FAM222B: variants seen among roughly 807,000 people sequenced by gnomAD.
The protein encoded by FAM222B is protein FAM222B.
Under a neutral mutation model 38.0 loss-of-function variants are expected in FAM222B, and 12 were observed. That is an observed-to-expected ratio of 0.32 (90% CI 0.20 to 0.51). The LOEUF (loss-of-function observed/expected upper bound fraction) is 0.51, where lower values mean the gene tolerates loss of function less well. Ranked by LOEUF, FAM222B falls within the 20% of genes least tolerant of loss-of-function variation. FAM222B has a pLI of 0.97. For missense variants in FAM222B, 716 were observed against 754.2 expected (o/e 0.95, Z 0.59); for synonymous variants, 329 against 317.2 (o/e 1.04, Z -0.40).
chr17:28,823,801 C>A (rs898440740), intron 1 of FAM222B, among the ~76,000 whole-genome samples: 1 of 151,972 alleles, frequency 6.6e-6, no homozygotes, highest in African/African-American at 2.4e-5. Flanking sequence ...CCAGGCATTT[C>A]TATCCAACTG....
intron 1 of FAM222B, among the ~76,000 whole-genome samples, chr17:28,769,862 G>A (rs923908558): frequency 6.6e-6 from 1 of 152,146 alleles, no homozygotes; most frequent in African/African-American, 2.4e-5. Context: ...CCTCTGCCTG[G>A]AATGTTCTTG....
intron 1 of FAM222B, among the ~76,000 whole-genome samples, chr17:28,797,531 A>T (rs1052704243): frequency 6.6e-6 from 1 of 152,202 alleles, no homozygotes; most frequent in African/African-American, 2.4e-5. Flanking sequence ...AATTATGGAA[A>T]AGGGTTTTTT....
At chr17:28,801,465 AAAAAAG>A (rs1567857136) in intron 1 of FAM222B, among the ~76,000 whole-genome samples, 3 of 151,788 alleles carry the variant, frequency 2.0e-5, no homozygotes, top group African/African-American at 4.8e-5. Flanking sequence ...AAAAAAAAAA[AAAAAAG>A]AAAAGAAAAA....
At chr17:28,771,881 T>C (rs902214963) in intron 1 of FAM222B, among the ~76,000 whole-genome samples, 52 of 151,626 alleles carry the variant, frequency 3.4e-4, no homozygotes, top group African/African-American at 1.3e-3. Flanking sequence ...AGTGAAACCC[T>C]GTCTCTACTA....
At chr17:28,819,927 C>T (rs2038152856) in intron 1 of FAM222B, among the ~76,000 whole-genome samples, 1 of 152,178 alleles carries the variant, frequency 6.6e-6, no homozygotes. Context: ...AAAGCAAGTA[C>T]AGTCTTCCCA....
At chr17:28,762,034 G>GT (rs768379035) in intron 2 of FAM222B, 3 of 152,080 alleles carry the variant, frequency 2.0e-5, no homozygotes, top group Non-Finnish European at 4.4e-5. Flanking sequence ...CCAACTCTGA[G>GT]GTTTTTTTTA....
chr17:28,832,023 AC>A (rs1305318179), intron 1 of FAM222B, among the ~76,000 whole-genome samples: 1 of 152,088 alleles, frequency 6.6e-6, no homozygotes, highest in Non-Finnish European at 1.5e-5. Flanking sequence ...CCCCGTCTCA[AC>A]TAAAAATACA....
At chr17:28,854,852 C>T (rs2039215722) in intron 1 of FAM222B, 2 of 609,644 alleles carry the variant, frequency 3.3e-6, no homozygotes, top group Admixed American at 3.4e-5. Flanking sequence ...ACTCTAAATA[C>T]ACATTTTCCC....
intron 1 of FAM222B, among the ~76,000 whole-genome samples, chr17:28,840,746 CA>C (rs2039009575): frequency 1.3e-5 from 2 of 150,002 alleles, no homozygotes; most frequent in Admixed American, 6.6e-5. Flanking sequence ...CACCTGAGGT[CA>C]GAAGTTTGAG....
chr17:28,763,598 T>C (rs1021923749), intron 2 of FAM222B, among the ~76,000 whole-genome samples: 1 of 152,226 alleles, frequency 6.6e-6, no homozygotes, highest in African/African-American at 2.4e-5. Flanking sequence ...CCTCTATCTG[T>C]AGGCAGAGAG....
At chr17:28,843,068 C>G (rs1451065256), upstream of FAM222B, among the ~76,000 whole-genome samples, 1 of 152,096 alleles carries the variant, frequency 6.6e-6, no homozygotes, top group Non-Finnish European at 1.5e-5. Flanking sequence ...TTCCAGAATT[C>G]TGCATCCTAC....
At chr17:28,811,674 G>T (rs2037774001) in intron 1 of FAM222B, among the ~76,000 whole-genome samples, 1 of 152,166 alleles carries the variant, frequency 6.6e-6, no homozygotes, top group African/African-American at 2.4e-5. Context: ...ACACAAAGCC[G>T]GTGACAATGT....
intron 1 of FAM222B, among the ~76,000 whole-genome samples, chr17:28,826,493 T>C (rs2038444175): frequency 6.6e-6 from 1 of 150,640 alleles, no homozygotes; most frequent in African/African-American, 2.4e-5. Context: ...CCAGCCTGAC[T>C]AACATGGTGA....
At chr17:28,784,415 G>C (rs894257265) in intron 1 of FAM222B, among the ~76,000 whole-genome samples, 5 of 137,754 alleles carry the variant, frequency 3.6e-5, no homozygotes, top group Non-Finnish European at 6.1e-5. Context: ...GCCTGAGCTT[G>C]CAGTGTGCCA....
intron 1 of FAM222B, among the ~76,000 whole-genome samples, chr17:28,780,439 T>C (rs1267371595): frequency 6.6e-6 from 1 of 151,870 alleles, no homozygotes; most frequent in Non-Finnish European, 1.5e-5. Context: ...AGGAAATCAA[T>C]GTATAAAAAT....
chr17:28,827,845 A>G (rs947637483), intron 1 of FAM222B, among the ~76,000 whole-genome samples: 4 of 152,174 alleles, frequency 2.6e-5, no homozygotes, highest in Admixed American at 6.6e-5. Flanking sequence ...TAGTCTTACA[A>G]CTTAGGAAGA....
At chr17:28,843,480 T>G (rs1410910100), upstream of FAM222B, among the ~76,000 whole-genome samples, 2 of 127,326 alleles carry the variant, frequency 1.6e-5, no homozygotes, top group Non-Finnish European at 3.2e-5. Flanking sequence ...GGAGTTTTGC[T>G]CTTGTTGCCC....
chr17:28,845,661 C>T (rs1005834044), upstream of FAM222B, among the ~76,000 whole-genome samples: 4 of 151,850 alleles, frequency 2.6e-5, no homozygotes, highest in Non-Finnish European at 4.4e-5. Context: ...TTTGGGAAGC[C>T]GAGGTGGGCA....
chr17:28,769,399 T>C lies in FAM222B; in HGVS notation c.-40-2692A>G, dbSNP rs189608770. Among the ~76,000 whole-genome samples, 24 of 152,156 alleles carry C rather than the reference T, an allele frequency of 1.6e-4. 1 individual carries two copies. The East Asian group carries it at 3.5e-3, about 22-fold the overall frequency. The stretch of plus-strand genomic sequence containing the variant: ...GGTTTCACAGTGTTAGCCAGGATGG[T>C]CTCAATCTCCTGACCTCATGATCCG... On this transcript the variant is annotated intron_variant, in intron 1 of 2. Transcript: ENST00000581407.
Sources: allele counts gnomAD v4.1 joint callset (sites outside exome capture counted in the v4.1 genomes callset), GRCh38; gene constraint gnomAD v4.1.1; transcripts MANE v1.5; gene names NCBI Gene and HGNC (gene_info 2026-07-23, HGNC 2026-07-21).